CORIN: variants seen among roughly 807,000 people sequenced by gnomAD.
CORIN encodes the protein corin, serine peptidase.
CORIN carries 117 observed loss-of-function variants against 125.3 expected under a neutral mutation model. The observed-to-expected ratio is 0.93, with a 90% CI of 0.80 to 1.09. The LOEUF is 1.09. Among genes scored for constraint, CORIN ranks in the 50% least tolerant of loss-of-function variants. CORIN has a pLI of 0.00. For synonymous variants in CORIN, 450 were observed against 466.4 expected (o/e 0.96, Z 0.45); for missense variants, 1,253 against 1,306.7 (o/e 0.96, Z 0.63).
chr4:47,625,579 T>G (rs1045255106), intron 17 of CORIN, among the ~76,000 whole-genome samples: 4 of 152,144 alleles, frequency 2.6e-5, no homozygotes, highest in Admixed American at 2.0e-4. Context: ...GTTTGTTTTA[T>G]GAGGAAAATG....
chr4:47,778,537 A>G (rs1730396058), intron 3 of CORIN, among the ~76,000 whole-genome samples: 5 of 152,202 alleles, frequency 3.3e-5, no homozygotes, highest in Admixed American at 2.0e-4. Context: ...AATCAGGGAA[A>G]AGAGAAGAAG....
intron 4 of CORIN, among the ~76,000 whole-genome samples, chr4:47,750,859 G>A (rs1728869089): frequency 6.6e-6 from 1 of 152,200 alleles, no homozygotes; most frequent in South Asian, 2.1e-4. Flanking sequence ...AGAGTGGAAA[G>A]TAGATATGGA....
chr4:47,800,074 G>C (rs962691057), intron 2 of CORIN, among the ~76,000 whole-genome samples: 3 of 152,034 alleles, frequency 2.0e-5, no homozygotes, highest in African/African-American at 7.3e-5. Flanking sequence ...TGGCTGCTTG[G>C]GGCTAGGGGT....
intron 1 of CORIN, among the ~76,000 whole-genome samples, chr4:47,812,998 A>G (rs910162626): frequency 1.3e-5 from 2 of 152,198 alleles, no homozygotes; most frequent in Admixed American, 6.5e-5. Flanking sequence ...TGATGTGTAC[A>G]CCTGTTGACT....
intron 11 of CORIN, 76 bp from the exon 12 acceptor site, chr4:47,661,932 A>T (rs1389522910): frequency 4.3e-6 from 6 of 1,400,474 alleles, no homozygotes; most frequent in Non-Finnish European, 5.8e-6. Flanking sequence ...ATTTATGTCA[A>T]GTTTTAATTC....
At chr4:47,679,905 G>T in intron 8 of CORIN, 1 of 387,994 alleles carries the variant, frequency 2.6e-6, no homozygotes. Flanking sequence ...CACTTGGCTA[G>T]ATCAGCCAAA....
At chr4:47,731,617 AC>A (rs910758181) in intron 5 of CORIN, among the ~76,000 whole-genome samples, 2 of 152,148 alleles carry the variant, frequency 1.3e-5, no homozygotes, top group African/African-American at 4.8e-5. Flanking sequence ...ACGCCTGTAA[AC>A]CCAGTACTTT....
chr4:47,756,168 TTA>T (rs1560534500), intron 4 of CORIN, among the ~76,000 whole-genome samples: 1 of 152,158 alleles, frequency 6.6e-6, no homozygotes, highest in Non-Finnish European at 1.5e-5. Context: ...AGAAGAGGGC[TTA>T]GTGTGAGGAG....
chr4:47,644,996 C>T (rs911029585), intron 14 of CORIN, 85 bp downstream of exon 14: 3 of 707,582 alleles, frequency 4.2e-6, no homozygotes, highest in Non-Finnish European at 4.9e-6. Context: ...TGCATATTTA[C>T]ACACTTTTAG....
intron 5 of CORIN, among the ~76,000 whole-genome samples, chr4:47,729,717 T>C (rs1160614760): frequency 6.6e-6 from 1 of 152,164 alleles, no homozygotes; most frequent in African/African-American, 2.4e-5. Context: ...ATTTCTGTTT[T>C]CACACCCAAA....
chr4:47,659,921 A>G (rs1318542969), intron 12 of CORIN, among the ~76,000 whole-genome samples: 1 of 152,224 alleles, frequency 6.6e-6, no homozygotes, highest in Admixed American at 6.5e-5. Flanking sequence ...TAGAGGAATC[A>G]CATTACCTGA....
intron 13 of CORIN, among the ~76,000 whole-genome samples, chr4:47,647,222 C>T (rs184272729): frequency 1.0e-3 from 153 of 152,212 alleles, no homozygotes; most frequent in Admixed American, 1.8e-3. Flanking sequence ...ACCCAGCTCC[C>T]GCCAAATGGT....
intron 5 of CORIN, among the ~76,000 whole-genome samples, chr4:47,720,201 G>A (rs1727284524): frequency 6.6e-6 from 1 of 152,066 alleles, no homozygotes; most frequent in African/African-American, 2.4e-5. Context: ...ATATTTTGAG[G>A]CTCTTTTATT....
At chr4:47,601,920 T>A (rs1460580428) in intron 20 of CORIN, among the ~76,000 whole-genome samples, 1 of 152,130 alleles carries the variant, frequency 6.6e-6, no homozygotes, top group African/African-American at 2.4e-5. Flanking sequence ...AAATATACAA[T>A]TTCTAAGGCC....
At chr4:47,663,823 T>C (rs1408100051) in intron 11 of CORIN, among the ~76,000 whole-genome samples, 6 of 152,212 alleles carry the variant, frequency 3.9e-5, no homozygotes, top group Non-Finnish European at 8.8e-5. Context: ...TTAGAGATAC[T>C]TTTAAAAGTA....
At chr4:47,769,354 A>G (rs1300914859) in intron 3 of CORIN, among the ~76,000 whole-genome samples, 1 of 152,162 alleles carries the variant, frequency 6.6e-6, no homozygotes, top group Non-Finnish European at 1.5e-5. Context: ...AAAATGATGA[A>G]GCATTGATGA....
At chr4:47,674,599 C>T (rs1414274996) in intron 9 of CORIN, 99 bp from the exon 10 acceptor site, 3 of 762,586 alleles carry the variant, frequency 3.9e-6, no homozygotes, top group Admixed American at 4.1e-5. Context: ...TGAGGAATAA[C>T]ACAACTTTAA....
At position 47,763,442 on chromosome 4, in the gene CORIN, T is replaced by C. The variant is rs1187549286; in HGVS notation, c.554A>G (p.Gln185Arg). ...FTYLHRLSCY[Q>R]HIMLFGCTLA... ...GGTACAGCCAAACAGCATGATATGT[T>C]GATAGCAACTGAGGCGATGGAGATA... The change falls in exon 4 of 22, where the codon CAA becomes CGA. Residue 185 changes from glutamine to arginine, a missense_variant. Transcript: ENST00000273857. 1 of 1,614,136 alleles carries C rather than the reference T, an allele frequency of 6.2e-7. No individual in the cohort carries two copies. The highest frequency in any genetic ancestry group is 1.3e-5 in the African/African-American group (1 of 75,044).
At chr4:47,655,600 C>T (rs1723937361) in intron 12 of CORIN, among the ~76,000 whole-genome samples, 2 of 152,126 alleles carry the variant, frequency 1.3e-5, no homozygotes, top group African/African-American at 4.8e-5. Context: ...CTTCCATTAC[C>T]TCTCTGTGGA....
Sources: allele counts gnomAD v4.1 joint callset (sites outside exome capture counted in the v4.1 genomes callset), GRCh38; gene constraint gnomAD v4.1.1; transcripts MANE v1.5; gene names NCBI Gene and HGNC (gene_info 2026-07-23, HGNC 2026-07-21).